Variants in PTPN9 observed in about 807,000 individuals in gnomAD.
The protein encoded by PTPN9 is protein tyrosine phosphatase non-receptor type 9.
A neutral mutation model predicts 69.8 loss-of-function variants in PTPN9; 26 were observed. The ratio of observed to expected loss-of-function variants is 0.37; its 90% CI spans 0.27 to 0.52. The LOEUF (loss-of-function observed/expected upper bound fraction) is 0.52. Ranked by LOEUF, PTPN9 falls within the 20% of genes least tolerant of loss-of-function variation. The pLI, the probability that PTPN9 is intolerant of heterozygous loss-of-function variation, is 0.91. For synonymous variants in PTPN9, 274 were observed against 272.5 expected (o/e 1.01, Z -0.05); for missense variants, 549 against 740.3 (o/e 0.74, Z 3.00).
In PTPN9 at chr15:75,468,235, CA is replaced by C. The variant is rs1301231874; in HGVS notation, c.*533del. The C allele has an allele frequency of 1.9e-5, 3 of 158,728 alleles. No individual in the cohort carries two copies. Among genetic ancestry groups the C allele is most frequent in the East Asian group, 3.7e-4 (2 of 5,460 alleles). 9.8% of individuals were successfully genotyped at this position (158,728 alleles called of 1,614,324 possible). ...ACACACGTACATATGGACCCATACA[CA>C]TAAGTGCACACACACACACACACAG... On this transcript the variant is annotated 3_prime_UTR_variant, in exon 13 of 13. Coordinates refer to ENST00000618819, the MANE Select transcript of PTPN9 (RefSeq NM_002833.4).
chr15:75,472,720 G>A (rs555679767), intron 10 of PTPN9, among the ~76,000 whole-genome samples: 84 of 150,770 alleles, frequency 5.6e-4, no homozygotes, highest in Admixed American at 1.5e-3. Flanking sequence ...CAAGGGTTGC[G>A]GTGAACTGAG....
At chr15:75,530,509 A>AT (rs2074951805) in intron 1 of PTPN9, among the ~76,000 whole-genome samples, 1 of 86,726 alleles carries the variant, frequency 1.2e-5, no homozygotes, top group African/African-American at 4.9e-5. Context: ...ATATTATAAT[A>AT]TATTATAATA....
At chr15:75,509,416 C>T (rs1160349828) in intron 5 of PTPN9, among the ~76,000 whole-genome samples, 6 of 152,266 alleles carry the variant, frequency 3.9e-5, no homozygotes, top group South Asian at 4.1e-4. Flanking sequence ...CGACCAGGTG[C>T]GGTGGCTCAT....
At chr15:75,516,470 A>AT (rs1158957160) in intron 5 of PTPN9, among the ~76,000 whole-genome samples, 4,625 of 139,900 alleles carry the variant, frequency 0.033, 123 homozygotes, top group African/African-American at 0.08. Context: ...GGCCCGGCTA[A>AT]TTTTTTTTTT....
At chr15:75,537,616 G>A (rs1257521207) in intron 1 of PTPN9, among the ~76,000 whole-genome samples, 4 of 148,386 alleles carry the variant, frequency 2.7e-5, no homozygotes, top group Non-Finnish European at 4.5e-5. Flanking sequence ...TTAGCTGGGC[G>A]TGGTGGTGCG....
Position 75,465,482 on chromosome 15 carries a change from G to A in PTPN9, c.*3287C>T, listed in dbSNP as rs546208290. ...ACTTGCCAAACAGATTCTGGGTTGC[G>A]TCTCTGCCTTCCCTTTCCTTTACCT... On this transcript the variant is annotated 3_prime_UTR_variant, in exon 13 of 13. Transcript: ENST00000618819. The A allele has an allele frequency of 1.3e-5, 2 of 152,308 alleles. No homozygotes were observed. Among genetic ancestry groups the A allele is most frequent in the Admixed American group, 6.5e-5 (1 of 15,292 alleles). 9.4% of individuals were successfully genotyped at this position (152,308 alleles called of 1,614,324 possible).
chr15:75,505,619 G>C, intron 7 of PTPN9, 56 bp downstream of exon 7: 3 of 1,401,274 alleles, frequency 2.1e-6, no homozygotes, highest in Non-Finnish European at 3.0e-6. Flanking sequence ...GCTGTTGCCA[G>C]AGCCTACCAG....
intron 1 of PTPN9, among the ~76,000 whole-genome samples, chr15:75,542,093 G>A (rs1343226229): frequency 1.3e-5 from 2 of 151,242 alleles, no homozygotes; most frequent in African/African-American, 4.8e-5. Context: ...TCTACTCCCA[G>A]CAATCTGGAT....
chr15:75,468,173 A>C lies in PTPN9; in HGVS notation c.*596T>G, dbSNP rs1475687637. On this transcript the variant is annotated 3_prime_UTR_variant, in exon 13 of 13. Coordinates refer to ENST00000618819, the MANE Select transcript of PTPN9 (RefSeq NM_002833.4). ...GTATCGTGTGTATATGTATTTATAGAATACGATCATATTATCACATACAAT... is the reference window on the plus strand; with the variant it reads ...GTATCGTGTGTATATGTATTTATAGCATACGATCATATTATCACATACAAT... The C allele has an allele frequency of 4.6e-5, 7 of 152,912 alleles. No individual in the cohort carries two copies. Among genetic ancestry groups the C allele is most frequent in the African/African-American group, 1.7e-4 (7 of 41,456 alleles). 9.5% of individuals were successfully genotyped at this position (152,912 alleles called of 1,614,324 possible).
chr15:75,541,533 A>C (rs2141330626), intron 1 of PTPN9, among the ~76,000 whole-genome samples: 1 of 151,904 alleles, frequency 6.6e-6, no homozygotes, highest in East Asian at 2.0e-4. Flanking sequence ...CAGCCTCCCC[A>C]GTAGCTGTAA....
chr15:75,566,587 C>T (rs1051729002), intron 1 of PTPN9, among the ~76,000 whole-genome samples: 1 of 151,582 alleles, frequency 6.6e-6, no homozygotes, highest in African/African-American at 2.4e-5. Flanking sequence ...GAGGCTGAGA[C>T]AGAATTGCTT....
At chr15:75,573,188 T>C (rs144280111) in intron 1 of PTPN9, among the ~76,000 whole-genome samples, 7 of 152,302 alleles carry the variant, frequency 4.6e-5, no homozygotes, top group Non-Finnish European at 8.8e-5. Flanking sequence ...CTATGTGACC[T>C]TGGGCAATTT....
intron 8 of PTPN9, chr15:75,487,493 A>G (rs1331515476): frequency 2.6e-5 from 4 of 152,226 alleles, no homozygotes; most frequent in African/African-American, 9.6e-5. Flanking sequence ...CTCCCAGTAC[A>G]CTAAGATTCA....
In PTPN9 at chr15:75,505,889, G is replaced by A; in HGVS notation, c.754C>T (p.Pro252Ser). The change falls in exon 7 of 13, where the codon CCC becomes TCC. Residue 252 changes from proline to serine, a missense_variant. Physicochemically the swap from Pro to Ser is moderately conservative, Grantham distance 74 (BLOSUM62 -1). This residue lies in a region of PTPN9 where 457 missense variants were observed against 661.9 expected (regional missense o/e 0.69). Transcript: ENST00000618819. ...DLATWNFQFL[P>S]QVNGHPDPFD... Reference sequence around the variant, plus strand: ...GGATCTGGGTGGCCGTTCACCTGGGGTAGGAACTGGAAATTCCAAGTGGCG... The same window carrying A: ...GGATCTGGGTGGCCGTTCACCTGGGATAGGAACTGGAAATTCCAAGTGGCG... 6.2e-7 allele frequency: 1 copy of A among 1,614,062 alleles called. No individual in the cohort carries two copies. The highest frequency in any genetic ancestry group is 8.5e-7 in the Non-Finnish European group (1 of 1,179,986).
At chr15:75,517,227 A>C (rs1309532756) in intron 5 of PTPN9, 32 bp downstream of exon 5, 6 of 1,479,500 alleles carry the variant, frequency 4.1e-6, no homozygotes, top group Non-Finnish European at 5.6e-6. Context: ...CAAGCATTGA[A>C]GGAAACTTGA....
At chr15:75,522,841 T>C (rs2074911200) in intron 4 of PTPN9, among the ~76,000 whole-genome samples, 1 of 152,198 alleles carries the variant, frequency 6.6e-6, no homozygotes, top group African/African-American at 2.4e-5. Flanking sequence ...CTCATTCTTT[T>C]CCAATAAGTA....
intron 6 of PTPN9, among the ~76,000 whole-genome samples, 176 bp from the exon 7 acceptor site, chr15:75,506,179 T>C (rs1053876114): frequency 4.6e-5 from 7 of 152,216 alleles, no homozygotes; most frequent in Admixed American, 3.3e-4. Flanking sequence ...TTAAGTCCTA[T>C]GAATTTGCCA....
intron 6 of PTPN9, among the ~76,000 whole-genome samples, chr15:75,508,312 CCTCGGA>C (rs1405302579): frequency 6.6e-6 from 1 of 152,054 alleles, no homozygotes; most frequent in East Asian, 1.9e-4. Flanking sequence ...CCCGCCTTGG[CCTCGGA>C]CTCCCAAAGT....
intron 1 of PTPN9, among the ~76,000 whole-genome samples, chr15:75,565,327 C>A (rs2075122176): frequency 6.6e-6 from 1 of 152,026 alleles, no homozygotes; most frequent in African/African-American, 2.4e-5. Context: ...TTTTCATAAA[C>A]ACTAAATGTG....
Sources: allele counts gnomAD v4.1 joint callset (sites outside exome capture counted in the v4.1 genomes callset), GRCh38; gene constraint gnomAD v4.1.1; regional missense constraint gnomAD v4.1.1; transcripts MANE v1.5; gene names NCBI Gene and HGNC (gene_info 2026-07-23, HGNC 2026-07-21).